Variants in AFF3 observed in about 807,000 individuals in gnomAD.
AFF3 encodes the protein ALF transcription elongation factor 3.
AFF3 carries 32 observed loss-of-function variants against 129.7 expected under a neutral mutation model. The ratio of observed to expected loss-of-function variants is 0.25; its 90% confidence interval spans 0.19 to 0.33. The LOEUF (loss-of-function observed/expected upper bound fraction) is 0.33. Among genes scored for constraint, AFF3 ranks in the 10% least tolerant of loss-of-function variants. AFF3 has a pLI of 1.00. For missense variants in AFF3, 1,373 were observed against 1,592.0 expected (o/e 0.86, Z 2.34); for synonymous variants, 644 against 635.4 (o/e 1.01, Z -0.20).
At chr2:100,129,468 G>T (rs112385913) in intron 1 of AFF3, among the ~76,000 whole-genome samples, 162 bp from the exon 2 acceptor site, 107 of 150,818 alleles carry the variant, frequency 7.1e-4, no homozygotes, top group Middle Eastern at 3.4e-3. Flanking sequence ...TAATGGTCAG[G>T]TCATTCTGCT....
At chr2:99,777,871 C>T (rs1684039158) in intron 8 of AFF3, among the ~76,000 whole-genome samples, 1 of 150,034 alleles carries the variant, frequency 6.7e-6, no homozygotes, top group South Asian at 2.1e-4. Context: ...TCCTGTACAC[C>T]CTGGCCCTGG....
At chr2:99,713,239 TTTATG>T (rs1307929163) in intron 11 of AFF3, among the ~76,000 whole-genome samples, 1 of 151,826 alleles carries the variant, frequency 6.6e-6, no homozygotes, top group Non-Finnish European at 1.5e-5. Flanking sequence ...GATGGTACAT[TTTATG>T]TTATGTGTAT....
chr2:99,870,604 C>T (rs1205828799), intron 7 of AFF3, among the ~76,000 whole-genome samples: 2 of 152,190 alleles, frequency 1.3e-5, no homozygotes, highest in Non-Finnish European at 2.9e-5. Context: ...AAGATGGGTG[C>T]CCACCTGACA....
At chr2:99,687,518 C>T (rs1031352372) in intron 11 of AFF3, among the ~76,000 whole-genome samples, 6 of 152,084 alleles carry the variant, frequency 3.9e-5, no homozygotes, top group Non-Finnish European at 8.8e-5. Context: ...CTTCAAGCCA[C>T]GAGGCTGAGC....
chr2:100,112,119 C>T (rs186783447), intron 2 of AFF3, among the ~76,000 whole-genome samples: 34 of 152,296 alleles, frequency 2.2e-4, no homozygotes, highest in Non-Finnish European at 4.0e-4. Flanking sequence ...TTGAGACTTA[C>T]GGGCTCAAGT....
chr2:99,617,684 T>C (rs1339139834), intron 13 of AFF3, among the ~76,000 whole-genome samples: 2 of 152,240 alleles, frequency 1.3e-5, no homozygotes, highest in Non-Finnish European at 2.9e-5. Flanking sequence ...ATTTTTCTTT[T>C]GTCACTTGTC....
chr2:99,927,135 G>A (rs1696308863), intron 7 of AFF3, among the ~76,000 whole-genome samples: 1 of 152,166 alleles, frequency 6.6e-6, no homozygotes, highest in Non-Finnish European at 1.5e-5. Flanking sequence ...GCCCCTACTT[G>A]CACAAGCCAA....
intron 7 of AFF3, among the ~76,000 whole-genome samples, chr2:99,901,769 C>T (rs1019866521): frequency 1.3e-5 from 2 of 152,128 alleles, no homozygotes; most frequent in Non-Finnish European, 2.9e-5. Flanking sequence ...CAGTGGTTTC[C>T]CTTGCTGCAG....
intron 10 of AFF3, among the ~76,000 whole-genome samples, chr2:99,727,904 G>A (rs572878141): frequency 1.3e-5 from 2 of 152,230 alleles, no homozygotes; most frequent in East Asian, 1.9e-4. Context: ...TGCACTGTAG[G>A]TCCCAAGATC....
intron 8 of AFF3, among the ~76,000 whole-genome samples, chr2:99,769,705 G>A (rs1173329168): frequency 6.6e-6 from 1 of 152,190 alleles, no homozygotes; most frequent in African/African-American, 2.4e-5. Flanking sequence ...GCATTAGGGG[G>A]CACCCCAAGT....
At chr2:99,713,887 G>A (rs1472301674) in intron 11 of AFF3, among the ~76,000 whole-genome samples, 2 of 151,948 alleles carry the variant, frequency 1.3e-5, no homozygotes, top group African/African-American at 2.4e-5. Flanking sequence ...TTTTAGTAGA[G>A]ATGGGGTTTC....
chr2:100,063,859 G>A lies in AFF3; in HGVS notation c.53+40543C>T, dbSNP rs1310409664. Among the ~76,000 whole-genome samples the A allele has an allele frequency of 3.9e-5, 6 of 152,108 alleles. No individual in the cohort carries two copies. In the South Asian group the frequency reaches 6.2e-4, roughly 16 times the overall value. On this transcript the variant is annotated intron_variant, in intron 4 of 24. Coordinates refer to ENST00000672756, the MANE Select transcript of AFF3 (RefSeq NM_001386135.1). ...AACCCCAGAACTTTGGGAGGCTGAGGCGGGTGGATCACCTGAGGTCAGGAG... is the reference window on the plus strand; with the variant it reads ...AACCCCAGAACTTTGGGAGGCTGAGACGGGTGGATCACCTGAGGTCAGGAG...
chr2:99,759,840 G>A (rs950000229), intron 8 of AFF3, among the ~76,000 whole-genome samples: 7 of 152,180 alleles, frequency 4.6e-5, no homozygotes, highest in Non-Finnish European at 8.8e-5. Flanking sequence ...AATCAAGGGC[G>A]AATGGACTAT....
At chr2:99,881,640 T>A (rs923352114) in intron 7 of AFF3, among the ~76,000 whole-genome samples, 1 of 152,184 alleles carries the variant, frequency 6.6e-6, no homozygotes, top group African/African-American at 2.4e-5. Context: ...TGATGTTTGA[T>A]CCGGAAAATC....
At chr2:99,669,299 C>G (rs1686951877) in intron 12 of AFF3, among the ~76,000 whole-genome samples, 1 of 152,178 alleles carries the variant, frequency 6.6e-6, no homozygotes, top group Admixed American at 6.5e-5. Flanking sequence ...TCCCCGACCC[C>G]TGCCAAAATA....
At chr2:99,821,849 G>C (rs1687712433) in intron 8 of AFF3, among the ~76,000 whole-genome samples, 1 of 152,074 alleles carries the variant, frequency 6.6e-6, no homozygotes, top group Non-Finnish European at 1.5e-5. Context: ...CACACAACAG[G>C]CATTTGAGAG....
At chr2:100,128,271 C>G (rs983940971) in intron 2 of AFF3, among the ~76,000 whole-genome samples, 4 of 152,202 alleles carry the variant, frequency 2.6e-5, no homozygotes, top group Admixed American at 1.3e-4. Context: ...ACTCTGTGAA[C>G]TCGCCCTGAA....
At chr2:99,786,299 C>T (rs566711555) in intron 8 of AFF3, among the ~76,000 whole-genome samples, 1 of 152,268 alleles carries the variant, frequency 6.6e-6, no homozygotes, top group East Asian at 1.9e-4. Flanking sequence ...ACTCATGAGG[C>T]CAATGTGAGG....
chr2:100,055,977 C>A (rs1686736831), intron 4 of AFF3, among the ~76,000 whole-genome samples: 1 of 150,578 alleles, frequency 6.6e-6, no homozygotes, highest in Admixed American at 6.6e-5. Context: ...ATCAAGGTTA[C>A]AATGAGCTAT....
Sources: gnomAD v4.1 joint callset for allele counts (sites outside exome capture counted in the v4.1 genomes callset) on GRCh38, gnomAD v4.1.1 for gene constraint, MANE v1.5 for transcripts, NCBI Gene and HGNC (gene_info 2026-07-23, HGNC 2026-07-21) for gene names.